The following CLVS1 variants were observed in gnomAD, a reference collection of about 807,000 sequenced individuals.
The protein encoded by CLVS1 is clavesin 1.
Under a neutral mutation model 33.1 loss-of-function variants are expected in CLVS1, and 10 were observed. That is an observed-to-expected ratio of 0.30 (90% confidence interval 0.19 to 0.51). The LOEUF is 0.51. Ranked by LOEUF, CLVS1 falls within the 20% of genes least tolerant of loss-of-function variation. The pLI is 0.97. For missense variants in CLVS1, 343 were observed against 433.4 expected, an observed-to-expected ratio of 0.79 and a Z score of 1.85; for synonymous variants, 163 against 166.1, an observed-to-expected ratio of 0.98 and a Z score of 0.14.
chr8:61,164,019 G>A (rs557089783), intron 2 of CLVS1, among the ~76,000 whole-genome samples: 2 of 152,192 alleles, frequency 1.3e-5, no homozygotes, highest in African/African-American at 2.4e-5. Context: ...CTCCCGGCTC[G>A]AATGCGTGGG....
chr8:61,102,685 C>T (rs1425374744), intron 1 of CLVS1, among the ~76,000 whole-genome samples: 1 of 152,162 alleles, frequency 6.6e-6, no homozygotes, highest in Non-Finnish European at 1.5e-5. Context: ...ACAAGTTCTT[C>T]ACTCCTAACT....
intron 3 of CLVS1, among the ~76,000 whole-genome samples, chr8:61,387,250 G>A (rs1366293630): frequency 6.6e-6 from 1 of 152,062 alleles, no homozygotes; most frequent in Non-Finnish European, 1.5e-5. Context: ...AGCCGGTCAT[G>A]ATGGAGGGTG....
chr8:61,481,418 C>T (rs772827167), intron 5 of CLVS1, among the ~76,000 whole-genome samples: 5 of 152,136 alleles, frequency 3.3e-5, no homozygotes, highest in Non-Finnish European at 5.9e-5. Context: ...ACCCAGGAAG[C>T]GCAAGGGGTC....
At chr8:61,148,424 C>T (rs912811443) in intron 2 of CLVS1, among the ~76,000 whole-genome samples, 2 of 152,158 alleles carry the variant, frequency 1.3e-5, no homozygotes, top group African/African-American at 4.8e-5. Flanking sequence ...GCCAGATGGC[C>T]TCAATAGAAA....
At chr8:61,011,474 A>G in the CLVS1 span, among the ~76,000 whole-genome samples, 2 of 151,982 alleles carry the variant, frequency 1.3e-5, no homozygotes, top group Non-Finnish European at 2.9e-5. Flanking sequence ...TTTGAGGTGG[A>G]GTCTCACTCT....
the CLVS1 span, among the ~76,000 whole-genome samples, chr8:60,986,536 C>G: frequency 6.6e-6 from 1 of 152,220 alleles, no homozygotes; most frequent in Non-Finnish European, 1.5e-5. Context: ...CTTCACATAA[C>G]TTAAGAACTT....
intron 2 of CLVS1, among the ~76,000 whole-genome samples, chr8:61,371,017 T>C (rs1246209363): frequency 2.0e-5 from 3 of 152,220 alleles, no homozygotes; most frequent in African/African-American, 7.2e-5. Flanking sequence ...AGATACTCAG[T>C]GGGATTGCTG....
At chr8:61,327,005 A>G (rs1181005928) in intron 2 of CLVS1, among the ~76,000 whole-genome samples, 1 of 152,192 alleles carries the variant, frequency 6.6e-6, no homozygotes, top group Non-Finnish European at 1.5e-5. Context: ...TCTCATGAAT[A>G]TAATATTCAG....
intron 2 of CLVS1, among the ~76,000 whole-genome samples, chr8:61,355,947 T>G (rs192969983): frequency 6.6e-6 from 1 of 152,324 alleles, no homozygotes; most frequent in African/African-American, 2.4e-5. Context: ...GATGGCTGAG[T>G]CAAATGGTAT....
chr8:61,327,283 G>A (rs372094886), intron 2 of CLVS1, among the ~76,000 whole-genome samples: 46 of 152,198 alleles, frequency 3.0e-4, no homozygotes, highest in African/African-American at 9.6e-4. Flanking sequence ...CTTTGGTGTT[G>A]AGCATAAACA....
At chr8:61,088,329 A>C (rs1351468816) in intron 1 of CLVS1, among the ~76,000 whole-genome samples, 4 of 152,066 alleles carry the variant, frequency 2.6e-5, no homozygotes, top group African/African-American at 9.7e-5. Flanking sequence ...TCTCTATTTA[A>C]AATACAAAAA....
chr8:61,030,304 C>CGGG, the CLVS1 span, among the ~76,000 whole-genome samples: 1 of 150,044 alleles, frequency 6.7e-6, no homozygotes, highest in African/African-American at 2.5e-5. Context: ...AAGGTGGCAG[C>CGGG]GGGGTGGGGG....
intron 3 of CLVS1, among the ~76,000 whole-genome samples, chr8:61,439,285 G>T (rs1378141889): frequency 6.6e-6 from 1 of 152,182 alleles, no homozygotes; most frequent in Non-Finnish European, 1.5e-5. Context: ...CCACTTAGGG[G>T]CCCTCAGGGA....
intron 2 of CLVS1, among the ~76,000 whole-genome samples, chr8:61,187,989 G>T (rs958257425): frequency 6.5e-4 from 99 of 152,102 alleles, no homozygotes; most frequent in African/African-American, 2.3e-3. Flanking sequence ...CAGAAAAATT[G>T]CATGAGCATC....
At chr8:61,130,290 A>T (rs188008638) in intron 1 of CLVS1, among the ~76,000 whole-genome samples, 124 of 146,074 alleles carry the variant, frequency 8.5e-4, no homozygotes, top group African/African-American at 2.0e-3. Flanking sequence ...AAAATAATTT[A>T]AAAAAAGGAG....
chr8:61,197,664 C>T (rs538779422), intron 2 of CLVS1, among the ~76,000 whole-genome samples: 3 of 152,198 alleles, frequency 2.0e-5, no homozygotes, highest in South Asian at 2.1e-4. Context: ...GGATTACAAG[C>T]GCCTGCCCCC....
intron 3 of CLVS1, among the ~76,000 whole-genome samples, chr8:61,430,462 T>C (rs1816068774): frequency 6.6e-6 from 1 of 152,202 alleles, no homozygotes; most frequent in Non-Finnish European, 1.5e-5. Context: ...CCAAGGGCAC[T>C]TACTTGTCTT....
chr8:61,118,325 T>C (rs974077324), intron 1 of CLVS1, among the ~76,000 whole-genome samples: 7 of 152,316 alleles, frequency 4.6e-5, no homozygotes, highest in Admixed American at 3.9e-4. Context: ...AAACACCAGC[T>C]CCTGGGTTCA....
chr8:61,479,156 G>T (rs1426080757), intron 5 of CLVS1, among the ~76,000 whole-genome samples: 1 of 152,132 alleles, frequency 6.6e-6, no homozygotes, highest in East Asian at 1.9e-4. Context: ...AGTTCTCCTG[G>T]ATAATATTCT....
Sources: allele counts gnomAD v4.1 joint callset (sites outside exome capture counted in the v4.1 genomes callset), GRCh38; gene constraint gnomAD v4.1.1; transcripts MANE v1.5; gene names NCBI Gene and HGNC (gene_info 2026-07-23, HGNC 2026-07-21).